Variants in IL4 observed in about 807,000 individuals in gnomAD.
IL4 encodes the protein interleukin 4.
IL4 carries 10 observed loss-of-function variants against 17.4 expected under a neutral mutation model. The observed-to-expected ratio is 0.57, with a 90% CI of 0.35 to 0.97. The LOEUF is 0.97. Among genes scored for constraint, IL4 ranks in the 50% least tolerant of loss-of-function variants. IL4 has a pLI of 0.01. For missense variants in IL4, 174 were observed against 187.7 expected (o/e 0.93, Z 0.43); for synonymous variants, 87 against 79.0 (o/e 1.10, Z -0.54).
chr5:132,681,700 A>G (rs530952967), intron 3 of IL4, among the ~76,000 whole-genome samples: 4 of 152,274 alleles, frequency 2.6e-5, no homozygotes, highest in African/African-American at 9.6e-5. Flanking sequence ...AGGGGGCAGA[A>G]GTCCTTGTAG....
chr5:132,680,313 A>G lies in IL4; in HGVS notation c.360+423A>G, dbSNP rs983264409. On this transcript the variant is annotated intron_variant, in intron 3 of 3. Transcript: ENST00000231449. The surrounding 1 kb of genome is among the most constrained non-coding windows in gnomAD (Gnocchi z 4.3). ...TAACTAGGGAGACCATTCCAGGCAG[A>G]AGGAGGAGGTATGCAAAGGCCTTAG... is the stretch of plus-strand genomic sequence containing the variant. 1.3e-5 allele frequency among the ~76,000 whole-genome samples: 2 copies of G among 152,174 alleles called. No homozygotes were observed. The highest frequency in any genetic ancestry group is 1.5e-5 in the Non-Finnish European group (1 of 68,040).
At chr5:132,676,472 C>A (rs921213541) in intron 2 of IL4, among the ~76,000 whole-genome samples, 14 of 152,222 alleles carry the variant, frequency 9.2e-5, no homozygotes, top group African/African-American at 3.1e-4. Flanking sequence ...GGGTGCAGGC[C>A]AGGACACTGC....
chr5:132,677,616 C>T (rs1752404872), intron 2 of IL4, among the ~76,000 whole-genome samples: 1 of 152,150 alleles, frequency 6.6e-6, no homozygotes. Flanking sequence ...TCAAAAATAT[C>T]TTTAGAGGGT....
At chr5:132,681,299 C>T (rs974397940) in intron 3 of IL4, among the ~76,000 whole-genome samples, 4 of 152,146 alleles carry the variant, frequency 2.6e-5, no homozygotes, top group Non-Finnish European at 4.4e-5. Flanking sequence ...CCCAGGAAGC[C>T]GTTGAGGACA....
Position 132,680,486 on chromosome 5 carries a change from G to C in IL4, c.360+596G>C, listed in dbSNP as rs537138237. 2.0e-5 allele frequency among the ~76,000 whole-genome samples: 3 copies of C among 152,356 alleles called. No homozygotes were observed. The East Asian group carries it at 5.8e-4, about 29-fold the overall frequency. On this transcript the variant is annotated intron_variant, in intron 3 of 3. Transcript: ENST00000231449. The surrounding 1 kb of genome is among the most constrained non-coding windows in gnomAD (Gnocchi z 4.3). ...GAGTATGGCAGGGAACACCTGCAGA[G>C]CTTTGGGCAGGACAAAGACTGTACA... is the stretch of plus-strand genomic sequence containing the variant.
chr5:132,679,319 G>A (rs1752440892), intron 2 of IL4, among the ~76,000 whole-genome samples: 1 of 152,202 alleles, frequency 6.6e-6, no homozygotes, highest in South Asian at 2.1e-4. Flanking sequence ...GCTCATGTGG[G>A]CACTTTTCAT....
rs750477077 is a variant in IL4, at chr5:132,674,108, A to C, written c.58A>C (p.Asn20His). The C allele has an allele frequency of 6.2e-7, 1 of 1,614,018 alleles. No individual in the cohort carries two copies. The highest frequency in any genetic ancestry group is 8.5e-7 in the Non-Finnish European group (1 of 1,180,012). The change falls in exon 1 of 4, where the codon AAC (asparagine) becomes CAC (histidine). Residue 20 changes from asparagine (N) to histidine (H), a missense_variant. By Grantham distance (68) the Asn-to-His change is moderately conservative. Transcript: ENST00000231449. ...PLFFLLACAG[N>H]FVHGHKCDIT... Reference sequence around the variant, plus strand: ...GTTCTTCCTGCTAGCATGTGCCGGCAACTTTGTCCACGGACACAAGTGCGA... The same window carrying C: ...GTTCTTCCTGCTAGCATGTGCCGGCCACTTTGTCCACGGACACAAGTGCGA...
At position 132,682,534 on chromosome 5, in the gene IL4, T is replaced by C. The variant is rs1752507862; in HGVS notation, c.409T>C (p.Leu137=). 4 of 1,612,564 alleles carry C rather than the reference T, an allele frequency of 2.5e-6. No individual in the cohort carries two copies. Among genetic ancestry groups the C allele is most frequent in the Non-Finnish European group, 1.7e-6 (2 of 1,178,688 alleles). The change falls in exon 4 of 4, where the codon TTG becomes CTG. Residue 137 remains leucine, a synonymous_variant. Transcript: ENST00000231449. The part of the protein sequence containing the change: ...EANQSTLENF[L]ERLKTIMREK... The stretch of plus-strand genomic sequence containing the variant: ...CAACCAGAGTACGTTGGAAAACTTC[T>C]TGGAAAGGCTAAAGACGATCATGAG...
Position 132,679,831 on chromosome 5 carries a change from A to G in IL4, c.301A>G (p.Lys101Glu). 1 of 1,613,988 alleles carries G rather than the reference A, an allele frequency of 6.2e-7. No homozygotes were observed. The highest frequency in any genetic ancestry group is 8.5e-7 in the Non-Finnish European group (1 of 1,179,940). The change falls in exon 3 of 4, where the codon AAG (lysine) becomes GAG (glutamate). Residue 101 changes from lysine (K) to glutamate (E), a missense_variant. By Grantham distance (56) the Lys-to-Glu change is moderately conservative. Transcript: ENST00000231449. Reference sequence around the variant, plus strand: ...GACTGCACAGCAGTTCCACAGGCACAAGCAGCTGATCCGATTCCTGAAACG... The same window carrying G: ...GACTGCACAGCAGTTCCACAGGCACGAGCAGCTGATCCGATTCCTGAAACG... ...GATAQQFHRH[K>E]QLIRFLKRLD...
At chr5:132,674,560 T>C (rs1752344684) in intron 2 of IL4, 54 bp downstream of exon 2, 5 of 1,446,778 alleles carry the variant, frequency 3.5e-6, no homozygotes, top group African/African-American at 1.4e-5. Context: ...CATCCCCAAA[T>C]GTCTGAACAA....
Position 132,674,502 on chromosome 5 carries a change from C to G in IL4, c.179C>G (p.Ser60Cys). The change falls in exon 2 of 4, where the codon TCC becomes TGC. Residue 60 changes from serine (S) to cysteine (C), a missense_variant. Ser to Cys is a moderately radical substitution (Grantham distance 112). Transcript: ENST00000231449. Reference sequence around the variant, plus strand: ...ACCGTAACAGACATCTTTGCTGCCTCCAAGGTAAGAAGCCGTCCCACGGTC... The same window carrying G: ...ACCGTAACAGACATCTTTGCTGCCTGCAAGGTAAGAAGCCGTCCCACGGTC... ...ELTVTDIFAA[S>C]KNTTEKETFC... 6.2e-7 allele frequency: 1 copy of G among 1,613,882 alleles called. No homozygotes were observed. Among genetic ancestry groups the G allele is most frequent in the Non-Finnish European group, 8.5e-7 (1 of 1,179,764 alleles).
chr5:132,676,945 A>G (rs1440766947), intron 2 of IL4, among the ~76,000 whole-genome samples: 2 of 152,220 alleles, frequency 1.3e-5, no homozygotes, highest in Non-Finnish European at 2.9e-5. Context: ...GTGTCTATGA[A>G]GTCAAGGCTG....
intron 2 of IL4, among the ~76,000 whole-genome samples, chr5:132,678,239 G>A (rs1040722162): frequency 6.6e-6 from 1 of 152,234 alleles, no homozygotes; most frequent in East Asian, 1.9e-4. Flanking sequence ...CAGTACCACT[G>A]TGCAATGCGT....
At chr5:132,674,725 G>A (rs1156862629) in intron 2 of IL4, among the ~76,000 whole-genome samples, 2 of 152,236 alleles carry the variant, frequency 1.3e-5, no homozygotes, top group Non-Finnish European at 2.9e-5. Context: ...CTTACATGCT[G>A]TAGTCCTGAC....
chr5:132,678,616 G>A (rs1196477309), intron 2 of IL4, among the ~76,000 whole-genome samples: 3 of 152,180 alleles, frequency 2.0e-5, no homozygotes, highest in Non-Finnish European at 4.4e-5. Context: ...TGGGGCAGGG[G>A]TGGTCTGAGA....
Position 132,682,231 on chromosome 5 carries a change from C to G in IL4, c.361-255C>G, listed in dbSNP as rs77848088. 8.5e-3 allele frequency among the ~76,000 whole-genome samples: 1,299 copies of G among 152,082 alleles called. 4 individuals are homozygous for G. Among genetic ancestry groups the G allele is most frequent in the African/African-American group, 0.019 (808 of 41,482 alleles). On this transcript the variant is annotated intron_variant, in intron 3 of 3. Transcript: ENST00000231449. ...GACACACCTCTCCAGAGACTGCACT[C>G]CCCCCCGCGCCACCCACCCCAAAAG...
At chr5:132,674,426 G>A (rs772019250) in intron 1 of IL4, 33 bp from the exon 2 acceptor site, 6 of 1,610,444 alleles carry the variant, frequency 3.7e-6, no homozygotes, top group Non-Finnish European at 5.1e-6. Flanking sequence ...GGTTAACTCT[G>A]TCTCTTGCTC....
In IL4 at chr5:132,679,825, A is replaced by T; in HGVS notation, c.295A>T (p.Arg99Trp). 6.2e-7 allele frequency: 1 copy of T among 1,613,966 alleles called. No individual in the cohort carries two copies. ...GGGTGCGACTGCACAGCAGTTCCAC[A>T]GGCACAAGCAGCTGATCCGATTCCT... ...CLGATAQQFHRHKQLIRFLKR... is the reference protein window; with the variant it reads ...CLGATAQQFHWHKQLIRFLKR... Residue 99 changes from arginine to tryptophan, a missense_variant, in exon 3 of 4, where the codon AGG becomes TGG. Physicochemically the swap from Arg to Trp is moderately radical, Grantham distance 101. Coordinates refer to ENST00000231449, the MANE Select transcript of IL4 (RefSeq NM_000589.4).
intron 2 of IL4, 116 bp downstream of exon 2, chr5:132,674,622 G>A: frequency 1.3e-6 from 1 of 787,698 alleles, no homozygotes; most frequent in Non-Finnish European, 2.2e-6. Context: ...TAAGGTGTTA[G>A]ATGTTTTCAA....
Sources: allele counts gnomAD v4.1 joint callset (sites outside exome capture counted in the v4.1 genomes callset), GRCh38; gene constraint gnomAD v4.1.1; non-coding constraint Gnocchi (gnomAD v3.1); transcripts MANE v1.5; gene names NCBI Gene and HGNC (gene_info 2026-07-23, HGNC 2026-07-21).